CAST: variants seen among roughly 807,000 people sequenced by gnomAD.
CAST encodes MIR583 host.
CAST carries 76 observed loss-of-function variants against 119.6 expected under a neutral mutation model. That is an observed-to-expected ratio of 0.64 (90% CI 0.53 to 0.77). CAST has a LOEUF of 0.77. CAST is among the 30% of genes least tolerant of loss of function. CAST has a pLI of 0.00. For synonymous variants in CAST, 319 were observed against 331.6 expected (o/e 0.96, Z 0.41); for missense variants, 953 against 946.5 (o/e 1.01, Z -0.09).
At chr5:96,569,846 T>C (rs1038374387) in intron 1 of CAST, among the ~76,000 whole-genome samples, 11 of 152,228 alleles carry the variant, frequency 7.2e-5, no homozygotes, top group African/African-American at 2.7e-4. Context: ...CTCTTATATG[T>C]GCACAAAGCA....
At chr5:96,637,191 T>A (rs1747898604) in intron 1 of CAST, among the ~76,000 whole-genome samples, 1 of 152,250 alleles carries the variant, frequency 6.6e-6, no homozygotes, top group South Asian at 2.1e-4. Flanking sequence ...CTATATTTAC[T>A]ATGTGTCAGG....
chr5:96,459,459 T>A, the CAST span, among the ~76,000 whole-genome samples: 1 of 152,104 alleles, frequency 6.6e-6, no homozygotes, highest in Non-Finnish European at 1.5e-5. Flanking sequence ...AGAAATAACA[T>A]CAAGAGGAAA....
At chr5:96,547,871 A>G (rs1395980704) in intron 1 of CAST, among the ~76,000 whole-genome samples, 2 of 152,192 alleles carry the variant, frequency 1.3e-5, no homozygotes, top group Admixed American at 1.3e-4. Flanking sequence ...TTGGTTCACA[A>G]TCTTGGTAGG....
At chr5:96,243,081 G>A in the CAST span, among the ~76,000 whole-genome samples, 19 of 151,734 alleles carry the variant, frequency 1.3e-4, no homozygotes, top group African/African-American at 4.6e-4. Context: ...ATATTTCTGT[G>A]TTAGGCAGAA....
At chr5:96,283,137 A>AAAGAAAAG in the CAST span, among the ~76,000 whole-genome samples, 1 of 132,984 alleles carries the variant, frequency 7.5e-6, no homozygotes, top group Admixed American at 7.9e-5. Context: ...CTCAAAAAAA[A>AAAGAAAAG]AAAAAAAAGA....
chr5:96,558,413 C>A (rs902545133), intron 1 of CAST, among the ~76,000 whole-genome samples: 1 of 151,986 alleles, frequency 6.6e-6, no homozygotes, highest in African/African-American at 2.4e-5. Flanking sequence ...ATCAGTGAAT[C>A]CAGGAGCTGG....
the CAST span, among the ~76,000 whole-genome samples, chr5:96,148,684 G>C: frequency 6.6e-6 from 1 of 152,164 alleles, no homozygotes; most frequent in Non-Finnish European, 1.5e-5. Context: ...ACACTCTTTT[G>C]GTTTAATATA....
chr5:96,394,049 G>A, the CAST span, among the ~76,000 whole-genome samples: 4 of 152,192 alleles, frequency 2.6e-5, no homozygotes, highest in Non-Finnish European at 5.9e-5. Context: ...AATATAAATG[G>A]AACTAGAATT....
intron 1 of CAST, among the ~76,000 whole-genome samples, chr5:96,672,876 G>T (rs1017227806): frequency 2.6e-5 from 4 of 152,030 alleles, no homozygotes; most frequent in African/African-American, 9.7e-5. Flanking sequence ...AAATAACAAT[G>T]CTTATAGTAC....
At chr5:96,016,537 C>G in the CAST span, among the ~76,000 whole-genome samples, 1 of 152,212 alleles carries the variant, frequency 6.6e-6, no homozygotes, top group South Asian at 2.1e-4. Context: ...CAGGACACAG[C>G]TCTCTTGTCA....
At chr5:96,175,978 A>G in the CAST span, among the ~76,000 whole-genome samples, 71 of 152,320 alleles carry the variant, frequency 4.7e-4, no homozygotes, top group South Asian at 1.4e-3. Flanking sequence ...CCTTGCAGCA[A>G]TAATAGTCCA....
At chr5:96,711,600 G>A (rs779917371) in intron 3 of CAST, among the ~76,000 whole-genome samples, 3 of 152,090 alleles carry the variant, frequency 2.0e-5, no homozygotes, top group Non-Finnish European at 4.4e-5. Context: ...GGAGACTGAG[G>A]GCCAAGAGAG....
At chr5:96,080,835 C>T in the CAST span, among the ~76,000 whole-genome samples, 138 of 152,294 alleles carry the variant, frequency 9.1e-4, no homozygotes, top group Non-Finnish European at 1.5e-3. Flanking sequence ...CTCTTTAAAA[C>T]CTTCCCCAAG....
the CAST span, among the ~76,000 whole-genome samples, chr5:96,190,062 C>T: frequency 6.6e-6 from 1 of 151,974 alleles, no homozygotes; most frequent in Admixed American, 6.6e-5. Context: ...TTCTTGGCTG[C>T]TTGATAGGTA....
the CAST span, among the ~76,000 whole-genome samples, chr5:96,036,161 AT>A: frequency 1.7e-4 from 26 of 149,726 alleles, no homozygotes; most frequent in Admixed American, 3.3e-4. Context: ...CTATCAATGC[AT>A]TTTTTTTTGG....
chr5:96,489,892 G>A, the CAST span, among the ~76,000 whole-genome samples: 2 of 152,178 alleles, frequency 1.3e-5, no homozygotes, highest in East Asian at 1.9e-4. Flanking sequence ...ATTAATTTGA[G>A]GCTGTGAATA....
chr5:96,393,014 T>G, the CAST span: 1 of 1,614,222 alleles, frequency 6.2e-7, no homozygotes, highest in East Asian at 2.2e-5. Flanking sequence ...ATTTTCCTCA[T>G]TCAGAATGTC....
the CAST span, among the ~76,000 whole-genome samples, chr5:95,989,011 T>G: frequency 3.3e-5 from 5 of 152,312 alleles, no homozygotes; most frequent in African/African-American, 1.2e-4. Context: ...TAAAAGAACA[T>G]TTATAGTTCC....
Position 96,576,256 on chromosome 5 carries a change from T to A in CAST, c.60+46376T>A, listed in dbSNP as rs188808443. On this transcript the variant is annotated intron_variant, in intron 1 of 11. Coordinates refer to the CAST transcript ENST00000505143. ...AGTTGAAAAGTGTTCCTTCTTCTAT[T>A]TTCTGGAGGATGTGGTTATAAAATT... Among the ~76,000 whole-genome samples the A allele has an allele frequency of 2.3e-3, 347 of 152,332 alleles. 3 individuals carry two copies. The highest frequency in any genetic ancestry group is 8.1e-3 in the African/African-American group (338 of 41,588).
Sources: gnomAD v4.1 joint callset for allele counts (sites outside exome capture counted in the v4.1 genomes callset) on GRCh38, gnomAD v4.1.1 for gene constraint, MANE v1.5 for transcripts, NCBI Gene and HGNC (gene_info 2026-07-23, HGNC 2026-07-21) for gene names.